The following CCDC6 variants were observed in gnomAD, a reference collection of about 807,000 sequenced individuals.
CCDC6 encodes coiled-coil domain containing 6.
A neutral mutation model predicts 56.6 loss-of-function variants in CCDC6; 20 were observed. The observed-to-expected ratio is 0.35, with a 90% CI of 0.25 to 0.51. The LOEUF is 0.51. Ranked by LOEUF, CCDC6 falls within the 20% of genes least tolerant of loss-of-function variation. The pLI, the probability that CCDC6 is intolerant of heterozygous loss-of-function variation, is 0.95. For missense variants in CCDC6, 367 were observed against 601.1 expected, an observed-to-expected ratio of 0.61 and a Z score of 4.07; for synonymous variants, 241 against 234.4, an observed-to-expected ratio of 1.03 and a Z score of -0.26.
At position 59,826,712 on chromosome 10, in the gene CCDC6, A is replaced by G. The variant is rs541161886; in HGVS notation, c.582+5813T>C. Among the ~76,000 whole-genome samples, 13 of 152,362 alleles carry G rather than the reference A, an allele frequency of 8.5e-5. No homozygotes were observed. In the East Asian group the frequency reaches 2.3e-3, roughly 27 times the overall value. On this transcript the variant is annotated intron_variant, in intron 3 of 8. Coordinates refer to ENST00000263102, the MANE Select transcript of CCDC6 (RefSeq NM_005436.5). ...AGAAGAAAGTTAAAGAGGCCAGATC[A>G]CAAATGACATATGAGCATAAATATG...
intron 1 of CCDC6, among the ~76,000 whole-genome samples, chr10:59,882,048 A>AGAAGGAAAGGAAAGCCG (rs2071342278): frequency 4.9e-5 from 2 of 40,824 alleles, no homozygotes; most frequent in Admixed American, 2.5e-4. Context: ...AAGGAAAGCC[A>AGAAGGAAAGGAAAGCCG]GGGGGAGAAG....
chr10:59,894,543 G>A (rs562828852), intron 1 of CCDC6, among the ~76,000 whole-genome samples: 1 of 149,136 alleles, frequency 6.7e-6, no homozygotes, highest in South Asian at 2.1e-4. Flanking sequence ...CAGGCACACT[G>A]CCTGGCATAC....
chr10:59,902,543 A>C (rs2071511716), intron 1 of CCDC6, among the ~76,000 whole-genome samples: 1 of 151,880 alleles, frequency 6.6e-6, no homozygotes, highest in South Asian at 2.1e-4. Context: ...ACAGGCATGC[A>C]ACACCATCCC....
At chr10:59,885,918 C>A (rs3793874) in intron 1 of CCDC6, among the ~76,000 whole-genome samples, 10 of 69,382 alleles carry the variant, frequency 1.4e-4, no homozygotes, top group African/African-American at 3.7e-4. Flanking sequence ...CAACCCCGCC[C>A]CCCGCCCCCC....
At chr10:59,899,998 G>C (rs528652834) in intron 1 of CCDC6, among the ~76,000 whole-genome samples, 1 of 152,278 alleles carries the variant, frequency 6.6e-6, no homozygotes, top group East Asian at 1.9e-4. Context: ...ATGAAGACAA[G>C]GTCCCAGAGA....
intron 2 of CCDC6, among the ~76,000 whole-genome samples, chr10:59,844,351 T>C (rs537512555): frequency 6.6e-6 from 1 of 151,758 alleles, no homozygotes; most frequent in Non-Finnish European, 1.5e-5. Context: ...TAAGTTTGAG[T>C]TTCCTGGATT....
rs2070453790 is a variant in CCDC6, at chr10:59,789,939, G to T, written c.*2978C>A. 1 of 217,612 alleles carries T rather than the reference G, an allele frequency of 4.6e-6. No individual in the cohort carries two copies. Among genetic ancestry groups the T allele is most frequent in the Admixed American group, 5.8e-5 (1 of 17,220 alleles). 13.5% of individuals were successfully genotyped at this position (217,612 alleles called of 1,614,324 possible). A position where few individuals can be genotyped will look rare whatever the true frequency, so the allele number is the denominator to read the frequency against. ...AATTACAAAGGGACAGTAGCACTTG[G>T]TGTCAAAGCCACTTTCTGGTCACAC... On this transcript the variant is annotated 3_prime_UTR_variant, in exon 9 of 9. Coordinates refer to ENST00000263102, the MANE Select transcript of CCDC6 (RefSeq NM_005436.5).
chr10:59,872,462 T>C (rs1020873670), intron 1 of CCDC6, among the ~76,000 whole-genome samples: 1 of 152,236 alleles, frequency 6.6e-6, no homozygotes, highest in Non-Finnish European at 1.5e-5. Context: ...ATCCTGTTCC[T>C]TGTCTCCTTG....
chr10:59,847,045 G>C (rs569318360), intron 2 of CCDC6, among the ~76,000 whole-genome samples: 15 of 138,788 alleles, frequency 1.1e-4, no homozygotes, highest in Non-Finnish European at 1.7e-4. Flanking sequence ...AGTTTGCCAG[G>C]GGAATTAGAA....
intron 8 of CCDC6, among the ~76,000 whole-genome samples, chr10:59,793,417 G>T (rs2070485330): frequency 6.6e-6 from 1 of 152,180 alleles, no homozygotes; most frequent in African/African-American, 2.4e-5. Context: ...TTCCGTGTGT[G>T]TCACCAATTC....
At chr10:59,800,011 G>A (rs1009733037) in intron 7 of CCDC6, among the ~76,000 whole-genome samples, 15 of 152,118 alleles carry the variant, frequency 9.9e-5, no homozygotes, top group Non-Finnish European at 1.6e-4. Context: ...TAAGCTGGTC[G>A]CTCTCTCCTC....
chr10:59,835,870 C>A (rs2070877835), intron 2 of CCDC6, among the ~76,000 whole-genome samples: 1 of 151,966 alleles, frequency 6.6e-6, no homozygotes, highest in Non-Finnish European at 1.5e-5. Context: ...CCAGCCTAGG[C>A]AACAGAGTGA....
At chr10:59,892,691 T>G (rs2071431695) in intron 1 of CCDC6, among the ~76,000 whole-genome samples, 2 of 23,904 alleles carry the variant, frequency 8.4e-5, no homozygotes, top group Admixed American at 6.7e-4. Context: ...CCCAAAACTT[T>G]CCTGTGTGTA....
intron 3 of CCDC6, among the ~76,000 whole-genome samples, chr10:59,829,369 C>A (rs1000292299): frequency 6.6e-6 from 1 of 152,186 alleles, no homozygotes; most frequent in African/African-American, 2.4e-5. Flanking sequence ...CATTTTGTTT[C>A]CACAATTTTA....
chr10:59,813,775 A>G (rs1247405894), intron 4 of CCDC6, among the ~76,000 whole-genome samples: 5 of 152,218 alleles, frequency 3.3e-5, no homozygotes, highest in Admixed American at 6.5e-5. Flanking sequence ...CATAGTGGAT[A>G]TGATTATAAC....
chr10:59,831,329 C>T (rs1240073325), intron 3 of CCDC6, among the ~76,000 whole-genome samples: 3 of 152,178 alleles, frequency 2.0e-5, no homozygotes, highest in Non-Finnish European at 2.9e-5. Flanking sequence ...TAGTACCATT[C>T]CCTGCTTTGC....
intron 1 of CCDC6, among the ~76,000 whole-genome samples, chr10:59,872,811 A>G (rs903875396): frequency 1.3e-4 from 19 of 151,922 alleles, no homozygotes; most frequent in Non-Finnish European, 2.8e-4. Flanking sequence ...AACATTAGAA[A>G]GTGCATAAGC....
chr10:59,894,685 G>T (rs993820783), intron 1 of CCDC6, among the ~76,000 whole-genome samples: 1 of 152,070 alleles, frequency 6.6e-6, no homozygotes, highest in African/African-American at 2.4e-5. Flanking sequence ...GGGGAGGGGT[G>T]GGGGGGAATC....
At chr10:59,871,570 A>T (rs1274119342) in intron 1 of CCDC6, among the ~76,000 whole-genome samples, 1 of 151,764 alleles carries the variant, frequency 6.6e-6, no homozygotes, top group Non-Finnish European at 1.5e-5. Context: ...CCAAGGTTCC[A>T]TTGAACAGTT....
Sources: gnomAD v4.1 joint callset for allele counts (sites outside exome capture counted in the v4.1 genomes callset) on GRCh38, gnomAD v4.1.1 for gene constraint, MANE v1.5 for transcripts, NCBI Gene and HGNC (gene_info 2026-07-23, HGNC 2026-07-21) for gene names.